Variants in KALRN observed in about 807,000 individuals in gnomAD.
The protein encoded by KALRN is kalirin.
A neutral mutation model predicts 353.7 loss-of-function variants in KALRN; 70 were observed. That is an observed-to-expected ratio of 0.20 (90% CI 0.16 to 0.24). The LOEUF (loss-of-function observed/expected upper bound fraction) is 0.24, where lower values mean the gene tolerates loss of function less well. KALRN is among the 10% of genes least tolerant of loss of function. KALRN has a pLI of 1.00. For missense variants in KALRN, 2,791 were observed against 3,756.7 expected, an observed-to-expected ratio of 0.74 and a Z score of 6.72; for synonymous variants, 1,391 against 1,434.8, an observed-to-expected ratio of 0.97 and a Z score of 0.69.
intron 10 of KALRN, among the ~76,000 whole-genome samples, chr3:124,349,880 G>A (rs2082671181): frequency 6.6e-6 from 1 of 152,116 alleles, no homozygotes; most frequent in Admixed American, 6.5e-5. Flanking sequence ...AGGCTGTTAG[G>A]GGGCAAAGGA....
intron 1 of KALRN, among the ~76,000 whole-genome samples, chr3:124,204,972 GT>G (rs2076286315): frequency 4.4e-5 from 1 of 22,640 alleles, no homozygotes; most frequent in Non-Finnish European, 3.3e-3. Context: ...ATTCCCTTGT[GT>G]CTTTGTAACA....
intron 1 of KALRN, among the ~76,000 whole-genome samples, chr3:124,227,663 GTTTTT>G (rs747087120): frequency 3.0e-4 from 21 of 69,258 alleles, no homozygotes; most frequent in South Asian, 6.3e-4. Flanking sequence ...CAACAGGGCT[GTTTTT>G]TTTTTTTTTT....
intron 15 of KALRN, among the ~76,000 whole-genome samples, chr3:124,424,072 T>C (rs956806166): frequency 4.6e-5 from 7 of 152,210 alleles, no homozygotes; most frequent in African/African-American, 1.7e-4. Context: ...TCTCATTTTA[T>C]AGATTAGGCC....
intron 10 of KALRN, among the ~76,000 whole-genome samples, chr3:124,383,826 C>T (rs2087783722): frequency 6.6e-6 from 1 of 152,092 alleles, no homozygotes; most frequent in African/African-American, 2.4e-5. Flanking sequence ...ACCCTGTCTC[C>T]ATAAGCAAAA....
intron 6 of KALRN, among the ~76,000 whole-genome samples, chr3:124,307,441 T>C (rs1441805480): frequency 6.6e-6 from 1 of 152,056 alleles, no homozygotes; most frequent in African/African-American, 2.4e-5. Flanking sequence ...AATCTAATGT[T>C]TGGTTTGTAA....
chr3:124,485,804 C>T (rs1377491585), intron 28 of KALRN, among the ~76,000 whole-genome samples: 1 of 152,114 alleles, frequency 6.6e-6, no homozygotes, highest in East Asian at 1.9e-4. Flanking sequence ...TGCTTGAACC[C>T]AGGAGGCGGA....
At chr3:124,587,869 A>C (rs1431408919) in intron 34 of KALRN, among the ~76,000 whole-genome samples, 2 of 147,784 alleles carry the variant, frequency 1.4e-5, no homozygotes, top group African/African-American at 4.9e-5. Flanking sequence ...TAATATTTTT[A>C]TTTTTTGTAG....
At chr3:124,076,050 T>C (rs1335732576) in intron 1 of KALRN, among the ~76,000 whole-genome samples, 1 of 152,222 alleles carries the variant, frequency 6.6e-6, no homozygotes, top group Non-Finnish European at 1.5e-5. Context: ...ACGTGCTTCC[T>C]GCGATGAGGC....
chr3:124,147,406 G>A (rs977755424), intron 1 of KALRN, among the ~76,000 whole-genome samples: 3 of 152,162 alleles, frequency 2.0e-5, no homozygotes, highest in African/African-American at 7.2e-5. Flanking sequence ...CTTGCTGTCT[G>A]TTTGCCTCCG....
chr3:124,559,008 C>A (rs2071609576), intron 33 of KALRN, among the ~76,000 whole-genome samples: 2 of 152,232 alleles, frequency 1.3e-5, no homozygotes, highest in South Asian at 4.1e-4. Context: ...TTCAGTTAAT[C>A]CCCAAATATT....
intron 18 of KALRN, 88 bp downstream of exon 18, chr3:124,439,125 TTC>T: frequency 1.5e-6 from 2 of 1,337,136 alleles, no homozygotes; most frequent in South Asian, 2.8e-5. Flanking sequence ...TTTTCTTTCT[TTC>T]TCTTTCTCTC....
chr3:124,352,529 A>G (rs1212081302), intron 10 of KALRN, among the ~76,000 whole-genome samples: 1 of 152,238 alleles, frequency 6.6e-6, no homozygotes, highest in African/African-American at 2.4e-5. Context: ...AGCTAGACAT[A>G]TTAAGTAGCA....
At chr3:124,389,895 T>C (rs966968114) in intron 11 of KALRN, among the ~76,000 whole-genome samples, 4 of 152,198 alleles carry the variant, frequency 2.6e-5, no homozygotes, top group African/African-American at 7.2e-5. Flanking sequence ...TCAGGAACAA[T>C]CCAATAAATG....
intron 3 of KALRN, among the ~76,000 whole-genome samples, chr3:124,248,511 G>A (rs866495810): frequency 6.6e-6 from 1 of 152,296 alleles, no homozygotes; most frequent in African/African-American, 2.4e-5. Flanking sequence ...CTATATTCTT[G>A]TTTCTAAATT....
At chr3:124,280,714 G>T (rs2075262782) in intron 5 of KALRN, among the ~76,000 whole-genome samples, 2 of 152,158 alleles carry the variant, frequency 1.3e-5, no homozygotes, top group African/African-American at 2.4e-5. Context: ...TCTCTCACTT[G>T]AATAGAGAGA....
chr3:124,182,075 A>G (rs974302115), intron 1 of KALRN, among the ~76,000 whole-genome samples: 6 of 152,226 alleles, frequency 3.9e-5, no homozygotes, highest in African/African-American at 1.4e-4. Context: ...GGAATTAAAT[A>G]CAAACGTGGA....
chr3:124,686,116 GC>G (rs1357469349), intron 51 of KALRN, among the ~76,000 whole-genome samples: 1 of 152,182 alleles, frequency 6.6e-6, no homozygotes, highest in Admixed American at 6.5e-5. Context: ...ATAAATAAAT[GC>G]CCATGTTACA....
intron 12 of KALRN, among the ~76,000 whole-genome samples, chr3:124,398,077 G>A (rs2090386599): frequency 1.3e-5 from 2 of 152,216 alleles, no homozygotes; most frequent in South Asian, 4.1e-4. Flanking sequence ...ATGTATCAGA[G>A]CAGAGACCTA....
At chr3:124,695,989 G>A in intron 53 of KALRN, 145 bp from the exon 54 acceptor site, 2 of 714,072 alleles carry the variant, frequency 2.8e-6, no homozygotes, top group Non-Finnish European at 4.7e-6. Flanking sequence ...GAGAAACAGG[G>A]TGGTAGGTAG....
Sources: gnomAD v4.1 joint callset for allele counts (sites outside exome capture counted in the v4.1 genomes callset) on GRCh38, gnomAD v4.1.1 for gene constraint, MANE v1.5 for transcripts, NCBI Gene and HGNC (gene_info 2026-07-23, HGNC 2026-07-21) for gene names.